DLG1: variants seen among roughly 807,000 people sequenced by gnomAD.
The protein encoded by DLG1 is discs large MAGUK scaffold protein 1, also known as disks large homolog 1.
DLG1 carries 42 observed loss-of-function variants against 123.4 expected under a neutral mutation model. The ratio of observed to expected loss-of-function variants is 0.34; its 90% CI spans 0.27 to 0.44. The LOEUF is 0.44. Ranked by LOEUF, DLG1 falls within the 20% of genes least tolerant of loss-of-function variation. The pLI, the probability that DLG1 is intolerant of heterozygous loss-of-function variation, is 1.00. For synonymous variants in DLG1, 317 were observed against 356.2 expected (o/e 0.89, Z 1.24); for missense variants, 942 against 1,082.6 (o/e 0.87, Z 1.82).
At position 197,271,252 on chromosome 3, in the gene DLG1, A is replaced by G. The variant is rs139582004; in HGVS notation, c.318+11427T>C. Among the ~76,000 whole-genome samples the G allele has an allele frequency of 9.8e-5, 15 of 152,286 alleles. No individual in the cohort carries two copies. In the East Asian group the frequency reaches 2.1e-3, roughly 22 times the overall value. Reference sequence around the variant, plus strand: ...CCTACACTGACAAATCCACAACCCTAAAGTATGGGGGAACTGCTGCCCACT... The same window carrying G: ...CCTACACTGACAAATCCACAACCCTGAAGTATGGGGGAACTGCTGCCCACT... On this transcript the variant is annotated intron_variant, in intron 4 of 24. Transcript: ENST00000667157.
intron 4 of DLG1, chr3:197,225,717 T>G (rs1739525351): frequency 6.6e-6 from 1 of 152,606 alleles, no homozygotes; most frequent in South Asian, 2.1e-4. Context: ...AATTCTTTAC[T>G]CATGTCAGAC....
intron 5 of DLG1, among the ~76,000 whole-genome samples, chr3:197,179,511 T>C (rs1808965051): frequency 6.6e-6 from 1 of 152,206 alleles, no homozygotes; most frequent in South Asian, 2.1e-4. Flanking sequence ...CAATATTTAC[T>C]GAATGTTTGA....
chr3:197,263,862 G>A (rs1402055584), intron 4 of DLG1, among the ~76,000 whole-genome samples: 1 of 152,154 alleles, frequency 6.6e-6, no homozygotes, highest in Non-Finnish European at 1.5e-5. Context: ...GGGGATAGCA[G>A]GGTGACCACA....
At chr3:197,213,775 T>C (rs978711899) in intron 4 of DLG1, among the ~76,000 whole-genome samples, 1 of 152,202 alleles carries the variant, frequency 6.6e-6, no homozygotes, top group Non-Finnish European at 1.5e-5. Flanking sequence ...TAAGTTTGAA[T>C]TTTCCAAGAA....
chr3:197,138,215 C>A lies in DLG1; in HGVS notation c.883+7G>T. ...AAAGATTTATCTTAGTTTGACTTAC[C>A]ACATACCTTTAGGACCTTTAATGAG... On this transcript the variant is annotated splice_region_variant and intron_variant, in intron 9 of 24. Coordinates refer to ENST00000667157, the MANE Select transcript of DLG1 (RefSeq NM_001366207.1). The A allele has an allele frequency of 6.6e-7, 1 of 1,508,288 alleles. No individual in the cohort carries two copies. Among genetic ancestry groups the A allele is most frequent in the Admixed American group, 1.9e-5 (1 of 52,808 alleles). The allele number at this position is 1,508,288 out of a possible 1,614,324, so 93.4% of individuals were successfully genotyped here.
intron 4 of DLG1, among the ~76,000 whole-genome samples, chr3:197,243,702 C>T (rs578237602): frequency 6.6e-6 from 1 of 152,188 alleles, no homozygotes; most frequent in South Asian, 2.1e-4. Context: ...TAATGGCATT[C>T]CTAGTATAAC....
intron 12 of DLG1, among the ~76,000 whole-genome samples, chr3:197,117,950 C>G (rs1157027402): frequency 6.6e-6 from 1 of 151,570 alleles, no homozygotes; most frequent in Non-Finnish European, 1.5e-5. Context: ...AACTTTAGAA[C>G]CAAAATGTAG....
chr3:197,213,544 T>C (rs1051955649), intron 4 of DLG1, among the ~76,000 whole-genome samples: 9 of 152,162 alleles, frequency 5.9e-5, no homozygotes, highest in African/African-American at 2.2e-4. Context: ...CAGACACAGC[T>C]CAATGAATGT....
At chr3:197,071,399 CTGTCTT>C (rs1743842487) in intron 18 of DLG1, among the ~76,000 whole-genome samples, 1 of 129,388 alleles carries the variant, frequency 7.7e-6, no homozygotes. Context: ...AATCTCTTCA[CTGTCTT>C]TTTTTTTTTT....
At chr3:197,063,576 G>A (rs1431899815) in intron 22 of DLG1, among the ~76,000 whole-genome samples, 1 of 152,108 alleles carries the variant, frequency 6.6e-6, no homozygotes, top group African/African-American at 2.4e-5. Context: ...AACAGTTTTA[G>A]AGAACTTCAT....
chr3:197,154,970 T>C (rs994824740), intron 5 of DLG1, among the ~76,000 whole-genome samples: 2 of 152,116 alleles, frequency 1.3e-5, no homozygotes, highest in African/African-American at 2.4e-5. Flanking sequence ...AACTAATGCA[T>C]TGTGGGAGTT....
rs1560879172 is a variant in DLG1, at chr3:197,127,492, ATAT to A, written c.1165+3032_1165+3034del. 8.6e-3 allele frequency among the ~76,000 whole-genome samples: 606 copies of A among 70,256 alleles called. 14 individuals carry two copies. Among genetic ancestry groups the A allele is most frequent in the Non-Finnish European group, 0.012 (396 of 33,356 alleles). The allele number at this position is 70,256 out of a possible 152,430, so 46.1% of individuals were successfully genotyped here. A position where few individuals can be genotyped will look rare whatever the true frequency, so the allele number is the denominator to read the frequency against. ...TATATATATATATATATATATATAT[ATAT>A]AAAGTAAGAAACCTAAAAATACGTA... On this transcript the variant is annotated intron_variant, in intron 11 of 24. Coordinates refer to ENST00000667157, the MANE Select transcript of DLG1 (RefSeq NM_001366207.1).
intron 4 of DLG1, among the ~76,000 whole-genome samples, chr3:197,258,586 A>G (rs1757939371): frequency 1.3e-5 from 2 of 152,174 alleles, no homozygotes; most frequent in African/African-American, 4.8e-5. Context: ...GATGAAAAAA[A>G]TTTCACTTGG....
At chr3:197,074,197 C>A (rs1260177261) in intron 18 of DLG1, among the ~76,000 whole-genome samples, 2 of 152,040 alleles carry the variant, frequency 1.3e-5, no homozygotes, top group African/African-American at 4.8e-5. Flanking sequence ...TGAATAAAAT[C>A]TTGATCTGAT....
chr3:197,120,395 T>C (rs1344160600), intron 11 of DLG1, among the ~76,000 whole-genome samples: 4 of 152,128 alleles, frequency 2.6e-5, no homozygotes, highest in Non-Finnish European at 4.4e-5. Context: ...TTCCTGACCA[T>C]GCTTTCTAAA....
intron 23 of DLG1, among the ~76,000 whole-genome samples, chr3:197,056,361 A>C (rs1264164430): frequency 6.6e-6 from 1 of 152,182 alleles, no homozygotes; most frequent in Non-Finnish European, 1.5e-5. Flanking sequence ...TGTTTGATTC[A>C]ATTTGCTCCT....
At chr3:197,084,759 G>A (rs971459362) in intron 16 of DLG1, among the ~76,000 whole-genome samples, 1 of 151,202 alleles carries the variant, frequency 6.6e-6, no homozygotes, top group Admixed American at 6.6e-5. Context: ...TTTTTTATGT[G>A]TATATTTTAT....
At chr3:197,127,156 C>T (rs1779521873) in intron 11 of DLG1, among the ~76,000 whole-genome samples, 1 of 151,744 alleles carries the variant, frequency 6.6e-6, no homozygotes, top group Non-Finnish European at 1.5e-5. Context: ...GGTGCGGTGG[C>T]TCACGCCTGT....
intron 11 of DLG1, among the ~76,000 whole-genome samples, chr3:197,119,997 C>T (rs1189586783): frequency 2.6e-5 from 4 of 152,146 alleles, no homozygotes; most frequent in South Asian, 2.1e-4. Flanking sequence ...TAGTGGCTCA[C>T]GCCTGTAACC....
Sources: allele counts gnomAD v4.1 joint callset (sites outside exome capture counted in the v4.1 genomes callset), GRCh38; gene constraint gnomAD v4.1.1; transcripts MANE v1.5; gene names NCBI Gene and HGNC (gene_info 2026-07-23, HGNC 2026-07-21).